Variants in MARCHF1 observed in about 807,000 individuals in gnomAD.
MARCHF1 encodes membrane associated ring-CH-type finger 1.
A neutral mutation model predicts 54.2 loss-of-function variants in MARCHF1; 40 were observed. That is an observed-to-expected ratio of 0.74 (90% CI 0.57 to 0.96). The LOEUF (loss-of-function observed/expected upper bound fraction) is 0.96, where lower values mean the gene tolerates loss of function less well. Ranked by LOEUF, MARCHF1 falls within the 40% of genes least tolerant of loss-of-function variation. The pLI, the probability that MARCHF1 is intolerant of heterozygous loss-of-function variation, is 0.00. For synonymous variants in MARCHF1, 236 were observed against 236.3 expected, an observed-to-expected ratio of 1.00 and a Z score of 0.01; for missense variants, 586 against 656.5, an observed-to-expected ratio of 0.89 and a Z score of 1.17.
At chr4:164,326,614 G>T (rs1735287453) in intron 1 of MARCHF1, among the ~76,000 whole-genome samples, 1 of 152,194 alleles carries the variant, frequency 6.6e-6, no homozygotes, top group Non-Finnish European at 1.5e-5. Context: ...TAGGGAGCAA[G>T]TATTTGCTAC....
intron 1 of MARCHF1, among the ~76,000 whole-genome samples, chr4:164,326,178 C>T (rs531006926): frequency 9.9e-5 from 15 of 152,228 alleles, no homozygotes; most frequent in African/African-American, 1.2e-4. Context: ...ACTAGAATTG[C>T]AGCTCTCCAC....
chr4:163,745,234 C>T (rs561170845), intron 4 of MARCHF1, among the ~76,000 whole-genome samples: 1 of 150,922 alleles, frequency 6.6e-6, no homozygotes, highest in South Asian at 2.1e-4. Context: ...GCTTCAGCCC[C>T]CCGAGTAGCT....
intron 3 of MARCHF1, among the ~76,000 whole-genome samples, chr4:163,944,489 G>A (rs1226842290): frequency 6.6e-6 from 1 of 152,120 alleles, no homozygotes; most frequent in Non-Finnish European, 1.5e-5. Context: ...GCCAGTTTTT[G>A]GGTAACTCTG....
At chr4:163,823,515 AG>A in intron 4 of MARCHF1, among the ~76,000 whole-genome samples, 1 of 152,012 alleles carries the variant, frequency 6.6e-6, no homozygotes, top group South Asian at 2.1e-4. Flanking sequence ...GAGATTTAAA[AG>A]AACTATTACG....
intron 5 of MARCHF1, among the ~76,000 whole-genome samples, chr4:163,620,278 T>C (rs1369275802): frequency 7.0e-6 from 1 of 143,588 alleles, no homozygotes; most frequent in Non-Finnish European, 1.6e-5. Context: ...GTAGCCGAGG[T>C]GGGGAAGCCA....
At chr4:163,660,288 C>A (rs1371214765) in intron 5 of MARCHF1, among the ~76,000 whole-genome samples, 1 of 151,954 alleles carries the variant, frequency 6.6e-6, no homozygotes, top group Non-Finnish European at 1.5e-5. Context: ...TTATTCTCAG[C>A]AAACTGACAC....
intron 1 of MARCHF1, among the ~76,000 whole-genome samples, chr4:164,175,215 T>C (rs1271176645): frequency 6.6e-6 from 1 of 152,208 alleles, no homozygotes; most frequent in Non-Finnish European, 1.5e-5. Flanking sequence ...ATTAATTCAC[T>C]GCAATTATGA....
At position 164,272,332 on chromosome 4, in the gene MARCHF1, T is replaced by G. The variant is rs184832731; in HGVS notation, c.-323+111538A>C. ...AGTAAATACAAAACGATTACAACAT[T>G]GTTTGTTATATCAAAAAATAAAAGA... On this transcript the variant is annotated intron_variant, in intron 1 of 9. Transcript: ENST00000514618. 3.9e-3 allele frequency among the ~76,000 whole-genome samples: 598 copies of G among 152,174 alleles called. 5 individuals are homozygous for G. The highest frequency in any genetic ancestry group is 0.014 in the African/African-American group (565 of 41,546).
At chr4:163,658,990 G>A (rs1743250955) in intron 5 of MARCHF1, among the ~76,000 whole-genome samples, 2 of 151,634 alleles carry the variant, frequency 1.3e-5, no homozygotes, top group South Asian at 2.1e-4. Context: ...TGATTTAGCT[G>A]GATATATCAT....
chr4:163,558,044 T>C (rs540696471), intron 8 of MARCHF1, among the ~76,000 whole-genome samples: 212 of 151,998 alleles, frequency 1.4e-3, no homozygotes, highest in Non-Finnish European at 2.5e-3. Context: ...AAAAGAAAAA[T>C]TTGGGTTCTG....
chr4:164,140,171 GCA>G (rs1195618313), intron 1 of MARCHF1, among the ~76,000 whole-genome samples: 1 of 148,428 alleles, frequency 6.7e-6, no homozygotes, highest in Non-Finnish European at 1.5e-5. Flanking sequence ...ACACACTCAT[GCA>G]CACACACACA....
intron 2 of MARCHF1, among the ~76,000 whole-genome samples, chr4:164,058,363 T>C (rs1288211324): frequency 6.6e-6 from 1 of 152,174 alleles, no homozygotes; most frequent in African/African-American, 2.4e-5. Flanking sequence ...TCAAATTTGA[T>C]ACCATTACTT....
chr4:164,174,974 CA>C (rs1730624913), intron 1 of MARCHF1, among the ~76,000 whole-genome samples: 1 of 152,000 alleles, frequency 6.6e-6, no homozygotes, highest in Admixed American at 6.6e-5. Flanking sequence ...TATGTAAGGA[CA>C]AAAACTGTAA....
chr4:164,285,623 T>C (rs1175894293), intron 1 of MARCHF1, among the ~76,000 whole-genome samples: 1 of 151,552 alleles, frequency 6.6e-6, no homozygotes, highest in Non-Finnish European at 1.5e-5. Flanking sequence ...TTTGTATTTT[T>C]AGTAGAGACG....
chr4:164,292,342 C>G (rs537914850), intron 1 of MARCHF1, among the ~76,000 whole-genome samples: 36 of 151,926 alleles, frequency 2.4e-4, no homozygotes, highest in African/African-American at 8.7e-4. Flanking sequence ...CGTTTTTTTT[C>G]ATACAGAATT....
intron 9 of MARCHF1, among the ~76,000 whole-genome samples, chr4:163,533,618 T>C (rs1323434638): frequency 3.4e-5 from 5 of 146,250 alleles, no homozygotes. Context: ...GAACTCTCTC[T>C]TTACCTTCTT....
chr4:164,068,192 C>T (rs1327749258), intron 2 of MARCHF1, among the ~76,000 whole-genome samples: 1 of 152,206 alleles, frequency 6.6e-6, no homozygotes, highest in Non-Finnish European at 1.5e-5. Flanking sequence ...AACCGAGCTA[C>T]CATTTGATCC....
chr4:163,619,260 T>C (rs1741604830), intron 5 of MARCHF1, among the ~76,000 whole-genome samples: 1 of 152,158 alleles, frequency 6.6e-6, no homozygotes, highest in Non-Finnish European at 1.5e-5. Context: ...TTTTGGCAGC[T>C]GAGAATTGGA....
chr4:164,023,545 A>G (rs1579468693), intron 2 of MARCHF1, among the ~76,000 whole-genome samples: 1 of 152,194 alleles, frequency 6.6e-6, no homozygotes, highest in African/African-American at 2.4e-5. Context: ...AATCCTAGAC[A>G]GAGGGCTGGC....
Sources: gnomAD v4.1 joint callset for allele counts (sites outside exome capture counted in the v4.1 genomes callset) on GRCh38, gnomAD v4.1.1 for gene constraint, MANE v1.5 for transcripts, NCBI Gene and HGNC (gene_info 2026-07-23, HGNC 2026-07-21) for gene names.